Variants in BRD10 observed in about 807,000 individuals in gnomAD.
BRD10 encodes the protein bromodomain containing 10, also known as uncharacterized bromodomain-containing protein 10.
chr9:5,971,536 G>C, the BRD10 span, among the ~76,000 whole-genome samples: 1 of 152,082 alleles, frequency 6.6e-6, no homozygotes, highest in East Asian at 1.9e-4. Context: ...TAAATAGTAA[G>C]AACACTACTT....
chr9:5,955,482 C>G, the BRD10 span, among the ~76,000 whole-genome samples: 3 of 152,160 alleles, frequency 2.0e-5, 1 homozygote, highest in African/African-American at 7.2e-5. Flanking sequence ...TAAATATAAT[C>G]ATCTTGCAAG....
chr9:5,889,882 G>A, the BRD10 span, among the ~76,000 whole-genome samples: 1 of 152,136 alleles, frequency 6.6e-6, no homozygotes, highest in Non-Finnish European at 1.5e-5. Flanking sequence ...TGTCTAAGTA[G>A]GTCATATTCT....
the BRD10 span, among the ~76,000 whole-genome samples, chr9:5,912,282 G>T: frequency 2.0e-5 from 3 of 152,046 alleles, no homozygotes; most frequent in African/African-American, 7.2e-5. Flanking sequence ...GAGTCTTTAG[G>T]TTTTTCCAAA....
At chr9:5,964,935 T>C in the BRD10 span, among the ~76,000 whole-genome samples, 9 of 141,320 alleles carry the variant, frequency 6.4e-5, no homozygotes, top group African/African-American at 1.3e-4. Context: ...AGGGAGAGCA[T>C]TGGGAGATAT....
At chr9:5,896,310 T>C in the BRD10 span, among the ~76,000 whole-genome samples, 2 of 152,206 alleles carry the variant, frequency 1.3e-5, no homozygotes, top group South Asian at 2.1e-4. Context: ...CAATGAATGG[T>C]AGTCACTATG....
At chr9:6,002,431 G>T in the BRD10 span, among the ~76,000 whole-genome samples, 3 of 151,690 alleles carry the variant, frequency 2.0e-5, no homozygotes. Flanking sequence ...AATTTGTAAA[G>T]ATTTATATAA....
At chr9:5,945,563 A>G in the BRD10 span, among the ~76,000 whole-genome samples, 8 of 152,114 alleles carry the variant, frequency 5.3e-5, no homozygotes, top group Non-Finnish European at 1.2e-4. Flanking sequence ...ATTTCCTTTC[A>G]TAATTGTGTG....
chr9:5,914,413 T>G, the BRD10 span, among the ~76,000 whole-genome samples: 808 of 23,824 alleles, frequency 0.034, 11 homozygotes, highest in Non-Finnish European at 0.072. Context: ...CCAGATGGTT[T>G]TTTTTTTTTT....
chr9:5,988,537 C>G, the BRD10 span: 1 of 1,613,198 alleles, frequency 6.2e-7, no homozygotes, highest in East Asian at 2.2e-5. Context: ...TGTCTTTTCT[C>G]TCAAGTGCCT....
chr9:6,000,132 A>T, the BRD10 span, among the ~76,000 whole-genome samples: 1 of 152,198 alleles, frequency 6.6e-6, no homozygotes, highest in Non-Finnish European at 1.5e-5. Context: ...TAACAATAAC[A>T]ACTACTAACA....
chr9:5,921,648 G>C, the BRD10 span: 4 of 1,613,860 alleles, frequency 2.5e-6, no homozygotes, highest in Non-Finnish European at 3.4e-6. Context: ...CTTGTAACAG[G>C]GTAACTTTTT....
At chr9:5,941,014 C>T in the BRD10 span, among the ~76,000 whole-genome samples, 5 of 151,990 alleles carry the variant, frequency 3.3e-5, no homozygotes, top group Admixed American at 3.3e-4. Context: ...CATACCCAAT[C>T]TCTACAAGGG....
At chr9:5,895,505 T>C in the BRD10 span, among the ~76,000 whole-genome samples, 1 of 151,828 alleles carries the variant, frequency 6.6e-6, no homozygotes, top group Non-Finnish European at 1.5e-5. Context: ...TGCCAGCAGG[T>C]GGAATGAAGA....
the BRD10 span, among the ~76,000 whole-genome samples, chr9:5,890,584 G>A: frequency 4.6e-5 from 7 of 152,146 alleles, no homozygotes; most frequent in East Asian, 5.8e-4. Flanking sequence ...AGTAATTGTG[G>A]TGTCGGACCA....
the BRD10 span, chr9:5,988,541 A>G: frequency 6.2e-7 from 1 of 1,612,044 alleles, no homozygotes; most frequent in Non-Finnish European, 8.5e-7. Flanking sequence ...TTTTCTCTCA[A>G]GTGCCTTGGA....
chr9:5,989,922 C>T, the BRD10 span, among the ~76,000 whole-genome samples: 7 of 152,190 alleles, frequency 4.6e-5, no homozygotes, highest in African/African-American at 1.7e-4. Flanking sequence ...ATTAGAATAA[C>T]TTTGTAACAA....
At chr9:5,898,484 T>C in the BRD10 span, among the ~76,000 whole-genome samples, 3 of 152,156 alleles carry the variant, frequency 2.0e-5, no homozygotes, top group African/African-American at 4.8e-5. Context: ...CATTGTTGCA[T>C]TGGGGATTAA....
chr9:5,890,366 T>C, the BRD10 span, among the ~76,000 whole-genome samples: 2 of 152,226 alleles, frequency 1.3e-5, no homozygotes, highest in Non-Finnish European at 2.9e-5. Context: ...TGGGACATAG[T>C]TGTATTAAGA....
chr9:5,941,185 T>C, the BRD10 span, among the ~76,000 whole-genome samples: 1 of 151,780 alleles, frequency 6.6e-6, no homozygotes, highest in Admixed American at 6.6e-5. Context: ...TAGAAAGCAA[T>C]ACTATCTAAC....
Sources: gnomAD v4.1 joint callset for allele counts (sites outside exome capture counted in the v4.1 genomes callset) on GRCh38, gnomAD v4.1.1 for gene constraint, MANE v1.5 for transcripts, NCBI Gene and HGNC (gene_info 2026-07-23, HGNC 2026-07-21) for gene names.